The following PDE1C variants were observed in gnomAD, a reference collection of about 807,000 sequenced individuals.
PDE1C encodes the protein phosphodiesterase 1C.
Under a neutral mutation model 93.1 loss-of-function variants are expected in PDE1C, and 62 were observed. The ratio of observed to expected loss-of-function variants is 0.67; its 90% CI spans 0.54 to 0.82. The LOEUF is 0.82. Among genes scored for constraint, PDE1C ranks in the 40% least tolerant of loss-of-function variants. PDE1C has a pLI of 0.00. For synonymous variants in PDE1C, 325 were observed against 310.1 expected, an observed-to-expected ratio of 1.05 and a Z score of -0.50; for missense variants, 742 against 884.6, an observed-to-expected ratio of 0.84 and a Z score of 2.04.
the PDE1C span, among the ~76,000 whole-genome samples, chr7:31,684,353 A>C: frequency 0.019 from 2,832 of 152,328 alleles, 42 homozygotes; most frequent in Middle Eastern, 0.041. Flanking sequence ...TAACACAATT[A>C]AGCTTCTCCA....
At chr7:32,292,056 A>G (rs1019584937) in intron 1 of PDE1C, among the ~76,000 whole-genome samples, 1 of 152,168 alleles carries the variant, frequency 6.6e-6, no homozygotes, top group Non-Finnish European at 1.5e-5. Context: ...TAACCTACCA[A>G]TAATAATAGT....
intron 1 of PDE1C, among the ~76,000 whole-genome samples, chr7:32,057,516 T>A (rs1393327574): frequency 6.6e-6 from 1 of 152,168 alleles, no homozygotes; most frequent in African/African-American, 2.4e-5. Context: ...AGGAGCATCA[T>A]CAAAGGGCAA....
intron 16 of PDE1C, chr7:31,785,225 A>G (rs934516592): frequency 3.3e-5 from 5 of 152,246 alleles, no homozygotes; most frequent in African/African-American, 1.2e-4. Context: ...CTGGCCTGCA[A>G]CAGCCAGCAT....
chr7:31,859,635 C>T lies in PDE1C; in HGVS notation c.750+5307G>A, dbSNP rs146194639. On this transcript the variant is annotated intron_variant, in intron 7 of 17. Coordinates refer to ENST00000396191, the MANE Select transcript of PDE1C (RefSeq NM_001191057.4). ...TTTAACTGTTTAAGTGATAGGATGACCCAATAAGGGTCCATAAGATGATCC... is the reference window on the plus strand; with the variant it reads ...TTTAACTGTTTAAGTGATAGGATGATCCAATAAGGGTCCATAAGATGATCC... Among the ~76,000 whole-genome samples, 280 of 151,898 alleles carry T rather than the reference C, an allele frequency of 1.8e-3. 2 individuals are homozygous for T. The highest frequency in any genetic ancestry group is 6.5e-3 in the African/African-American group (268 of 41,428).
intron 1 of PDE1C, among the ~76,000 whole-genome samples, chr7:32,057,414 C>A (rs1794266625): frequency 1.3e-5 from 2 of 152,168 alleles, no homozygotes; most frequent in Admixed American, 1.3e-4. Flanking sequence ...TGCACTTGTG[C>A]ACAACAGGGG....
In PDE1C at chr7:31,875,793, CTATATATATATATATATATATATATA is replaced by C. The variant is rs71559206; in HGVS notation, c.492+2151_492+2176del. 8.6e-4 allele frequency among the ~76,000 whole-genome samples: 37 copies of C among 43,092 alleles called. 2 individuals carry two copies. Among genetic ancestry groups the C allele is most frequent in the African/African-American group, 2.2e-3 (31 of 13,974 alleles). The allele number at this position is 43,092 out of a possible 152,430, so 28.3% of individuals were successfully genotyped here. The stretch of plus-strand genomic sequence containing the variant: ...AACACCTCAAGTTAGAAGCTTACAT[CTATATATATATATATATATATATATA>C]TATATATATATATATAATGGAAAAA... On this transcript the variant is annotated intron_variant, in intron 5 of 17. Transcript: ENST00000396191.
intron 3 of PDE1C, among the ~76,000 whole-genome samples, chr7:32,121,426 C>T (rs763709923): frequency 3.3e-4 from 50 of 151,774 alleles, no homozygotes; most frequent in African/African-American, 9.9e-4. Flanking sequence ...GACACATAAT[C>T]GTCAGATTCT....
chr7:31,827,694 C>T (rs1789867094), intron 12 of PDE1C, among the ~76,000 whole-genome samples: 1 of 151,978 alleles, frequency 6.6e-6, no homozygotes, highest in Non-Finnish European at 1.5e-5. Context: ...AGATCACTGA[C>T]AACATTTAAC....
At chr7:32,244,452 T>C (rs916190780) in intron 1 of PDE1C, among the ~76,000 whole-genome samples, 4 of 152,182 alleles carry the variant, frequency 2.6e-5, no homozygotes, top group African/African-American at 9.7e-5. Context: ...GAAGCAGCAT[T>C]TTAAGAAGAG....
At chr7:32,316,946 C>T (rs1225514940) in intron 1 of PDE1C, among the ~76,000 whole-genome samples, 1 of 152,208 alleles carries the variant, frequency 6.6e-6, no homozygotes, top group African/African-American at 2.4e-5. Flanking sequence ...CCTCTTTCCT[C>T]ATGTGTCACC....
At chr7:32,047,244 C>T (rs1792731390) in intron 2 of PDE1C, among the ~76,000 whole-genome samples, 1 of 152,050 alleles carries the variant, frequency 6.6e-6, no homozygotes, top group South Asian at 2.1e-4. Context: ...GAAGGTGAAA[C>T]TCTATTAAAA....
rs572060591 is a variant in PDE1C, at chr7:32,050,463, A to T, written c.128+1091T>A. ...ATTGTCCAATGAAATTTGTGAAAAC[A>T]AATCATTGTAAAAAACAGAAAGCAG... On this transcript the variant is annotated intron_variant, in intron 2 of 17. Coordinates refer to ENST00000396191, the MANE Select transcript of PDE1C (RefSeq NM_001191057.4). 2.6e-5 allele frequency among the ~76,000 whole-genome samples: 4 copies of T among 152,314 alleles called. No individual in the cohort carries two copies. The South Asian group carries it at 8.3e-4, about 32-fold the overall frequency.
At chr7:31,698,306 A>G in the PDE1C span, among the ~76,000 whole-genome samples, 1 of 152,190 alleles carries the variant, frequency 6.6e-6, no homozygotes, top group African/African-American at 2.4e-5. Context: ...TCTATGCTCC[A>G]TGGGATTTGT....
At chr7:31,651,122 T>G in the PDE1C span, 1 of 1,608,418 alleles carries the variant, frequency 6.2e-7, no homozygotes, top group Non-Finnish European at 8.5e-7. Context: ...TTCTTCTCAG[T>G]TCTTTCTCAT....
At chr7:31,658,340 A>G in the PDE1C span, 1 of 1,522,916 alleles carries the variant, frequency 6.6e-7, no homozygotes. Context: ...GCTAAAGATG[A>G]AAAAATAAAA....
chr7:31,651,318 G>C, the PDE1C span: 1 of 1,591,772 alleles, frequency 6.3e-7, no homozygotes, highest in Non-Finnish European at 8.6e-7. Flanking sequence ...CACACACCTG[G>C]AGCAAGGAAG....
chr7:32,330,098 G>T (rs745471068), intron 1 of PDE1C, among the ~76,000 whole-genome samples: 1 of 152,238 alleles, frequency 6.6e-6, no homozygotes, highest in Non-Finnish European at 1.5e-5. Flanking sequence ...CCAAAATGGA[G>T]ATTTTGTTTG....
the PDE1C span, among the ~76,000 whole-genome samples, chr7:31,730,163 C>T: frequency 2.0e-5 from 3 of 152,294 alleles, no homozygotes; most frequent in South Asian, 2.1e-4. Context: ...CCATCATATT[C>T]CTCTTGGTAG....
At chr7:31,984,947 A>G (rs999255401) in intron 2 of PDE1C, among the ~76,000 whole-genome samples, 1 of 152,194 alleles carries the variant, frequency 6.6e-6, no homozygotes, top group African/African-American at 2.4e-5. Context: ...CAGAGTAGCA[A>G]TTCCTGAAAC....
Sources: allele counts gnomAD v4.1 joint callset (sites outside exome capture counted in the v4.1 genomes callset), GRCh38; gene constraint gnomAD v4.1.1; transcripts MANE v1.5; gene names NCBI Gene and HGNC (gene_info 2026-07-23, HGNC 2026-07-21).